Variants in NDUFA10 observed in about 807,000 individuals in gnomAD.
The protein encoded by NDUFA10 is NADH:ubiquinone oxidoreductase subunit A10.
In NDUFA10, 40 loss-of-function variants were observed where a neutral mutation model predicts 47.8. The ratio of observed to expected loss-of-function variants is 0.84; its 90% confidence interval spans 0.65 to 1.09. The LOEUF (loss-of-function observed/expected upper bound fraction) is 1.09. Among genes scored for constraint, NDUFA10 ranks in the 50% least tolerant of loss-of-function variants. NDUFA10 has a pLI of 0.00. For synonymous variants in NDUFA10, 183 were observed against 172.2 expected, an observed-to-expected ratio of 1.06 and a Z score of -0.49; for missense variants, 413 against 451.1, an observed-to-expected ratio of 0.92 and a Z score of 0.76.
intron 8 of NDUFA10, among the ~76,000 whole-genome samples, chr2:239,991,514 A>G (rs773494991): frequency 6.6e-6 from 1 of 152,222 alleles, no homozygotes; most frequent in African/African-American, 2.4e-5. Context: ...TTAAAAACTC[A>G]AGCAAGCAAA....
rs566813070 is a variant in NDUFA10, at chr2:239,935,925, G to A, written c.295-40611C>T. 5.9e-5 allele frequency among the ~76,000 whole-genome samples: 9 copies of A among 152,316 alleles called. No homozygotes were observed. The South Asian group carries it at 1.5e-3, about 25-fold the overall frequency. ...GACCGGGTATGTCTTTATTGGCAGC[G>A]TGAAAACAGACTAACACACAGGGAA... On this transcript the variant is annotated intron_variant, in intron 4 of 5. Coordinates refer to the NDUFA10 transcript ENST00000419408.
At chr2:240,008,429 T>C (rs973179758) in intron 6 of NDUFA10, among the ~76,000 whole-genome samples, 6 of 152,250 alleles carry the variant, frequency 3.9e-5, no homozygotes, top group African/African-American at 1.4e-4. Context: ...CAGGACTTGC[T>C]GTATTGCTTC....
At chr2:240,008,013 GA>G (rs1697012147) in intron 6 of NDUFA10, among the ~76,000 whole-genome samples, 1 of 152,216 alleles carries the variant, frequency 6.6e-6, no homozygotes, top group South Asian at 2.1e-4. Context: ...ATCAGCATCT[GA>G]CCCCTACAAT....
At chr2:239,950,419 C>T (rs1274817476) in intron 4 of NDUFA10, among the ~76,000 whole-genome samples, 2 of 152,248 alleles carry the variant, frequency 1.3e-5, no homozygotes, top group African/African-American at 2.4e-5. Flanking sequence ...CACCAAGCTG[C>T]CCCCTCGGGG....
rs1204334963 is a variant in NDUFA10 at position 239,965,354 on chromosome 2, T to C, written c.1000-4168A>G. Among the ~76,000 whole-genome samples the C allele has an allele frequency of 2.0e-5, 3 of 151,982 alleles. No homozygotes were observed. In the East Asian group the frequency reaches 5.8e-4, roughly 29 times the overall value. ...CATCTCACACCAGGAAAATGCAAAA[T>C]CATCCACTTTGTTTACATGTCTACT... On this transcript the variant is annotated intron_variant, in intron 9 of 9. Transcript: ENST00000252711.
chr2:240,011,686 A>C lies in NDUFA10; in HGVS notation c.680T>G (p.Met227Arg). 1 of 1,612,810 alleles carries C rather than the reference A, an allele frequency of 6.2e-7. No individual in the cohort carries two copies. Among genetic ancestry groups the C allele is most frequent in the Non-Finnish European group, 8.5e-7 (1 of 1,178,762 alleles). The change falls in exon 6 of 10, where the codon ATG becomes AGG. Residue 227 changes from methionine (M) to arginine (R), a missense_variant. Transcript: ENST00000252711. ...CTGTAGATAGGCAGAGGTGATCTTC[A>C]TTTCATGTGGCTAAACAGAAGCAGA... is the stretch of plus-strand genomic sequence containing the variant. ...RIQKKGDPHE[M>R]KITSAYLQDI...
Position 239,960,217 on chromosome 2 carries a change from T to A in NDUFA10, c.*901A>T. 3 of 985,450 alleles carry A rather than the reference T, an allele frequency of 3.0e-6. No individual in the cohort carries two copies. The highest frequency in any genetic ancestry group is 3.6e-6 in the Non-Finnish European group (3 of 829,986). 61.0% of individuals were successfully genotyped at this position (985,450 alleles called of 1,614,324 possible). A position where few individuals can be genotyped will look rare whatever the true frequency, so the allele number is the denominator to read the frequency against. ...AGCTTTACAGTGGAAAACCCACAGTTCAGTAGGACTCACAACTGACAGCTT... is the reference window on the plus strand; with the variant it reads ...AGCTTTACAGTGGAAAACCCACAGTACAGTAGGACTCACAACTGACAGCTT... On this transcript the variant is annotated 3_prime_UTR_variant, in exon 10 of 10. Transcript: ENST00000252711.
downstream of NDUFA10, among the ~76,000 whole-genome samples, chr2:239,955,950 G>A (rs1330231430): frequency 6.6e-6 from 1 of 152,196 alleles, no homozygotes; most frequent in Non-Finnish European, 1.5e-5. Context: ...TCCTCCAGAG[G>A]AAAGCTCTGC....
At chr2:239,983,477 T>C (rs141504563) in intron 9 of NDUFA10, 2 of 1,546,304 alleles carry the variant, frequency 1.3e-6, no homozygotes, top group Non-Finnish European at 1.8e-6. Flanking sequence ...CAACCGAATT[T>C]CCTTAAACAA....
intron 8 of NDUFA10, among the ~76,000 whole-genome samples, chr2:239,997,707 A>T (rs1302250258): frequency 6.6e-6 from 1 of 152,272 alleles, no homozygotes; most frequent in African/African-American, 2.4e-5. Flanking sequence ...AGAAACAGTA[A>T]ATTATGCAGA....
At chr2:239,962,787 C>T (rs2106396111) in intron 9 of NDUFA10, among the ~76,000 whole-genome samples, 1 of 152,206 alleles carries the variant, frequency 6.6e-6, no homozygotes, top group African/African-American at 2.4e-5. Context: ...GGGGCAGGTA[C>T]GCCACATAGT....
intron 4 of NDUFA10, among the ~76,000 whole-genome samples, chr2:239,905,527 G>A (rs67365592): frequency 0.18 from 28,073 of 152,038 alleles, 2,803 homozygotes; most frequent in African/African-American, 0.25. Flanking sequence ...ACCTGCTGTC[G>A]GTTCTGCACT....
Position 239,941,316 on chromosome 2 carries a change from A to G in NDUFA10, c.295-46002T>C, listed in dbSNP as rs1025214392. Among the ~76,000 whole-genome samples, 6 of 152,194 alleles carry G rather than the reference A, an allele frequency of 3.9e-5. No homozygotes were observed. In the South Asian group the frequency reaches 1.0e-3, roughly 26 times the overall value. ...GGGCAATGGGAGTGGCACATAGGGT[A>G]AAGTATCTTCACAAACAGGGACAGA... On this transcript the variant is annotated intron_variant, in intron 4 of 5. Transcript: ENST00000419408.
intron 9 of NDUFA10, among the ~76,000 whole-genome samples, chr2:239,968,944 T>G (rs1695201140): frequency 2.0e-5 from 3 of 152,208 alleles, no homozygotes; most frequent in Non-Finnish European, 2.9e-5. Flanking sequence ...GAAAGCCCAT[T>G]GCAGGCTCAC....
intron 4 of NDUFA10, chr2:240,017,771 A>C: frequency 9.4e-6 from 14 of 1,490,038 alleles, no homozygotes; most frequent in Non-Finnish European, 1.3e-5. Context: ...ACACCAGGAC[A>C]CACAAGCAGC....
chr2:239,999,723 C>T (rs980449102), intron 8 of NDUFA10, among the ~76,000 whole-genome samples: 1 of 152,244 alleles, frequency 6.6e-6, no homozygotes, highest in Non-Finnish European at 1.5e-5. Context: ...AGGAACCTGA[C>T]AGCTGCAGCT....
rs571670157 is a variant in NDUFA10 at position 239,946,268 on chromosome 2, T to C, written c.294+43806A>G. 7.9e-5 allele frequency among the ~76,000 whole-genome samples: 12 copies of C among 152,184 alleles called. No individual in the cohort carries two copies. The South Asian group carries it at 2.3e-3, about 29-fold the overall frequency. On this transcript the variant is annotated intron_variant, in intron 4 of 5. Transcript: ENST00000419408. ...TCCCAGGTGGTCATGAGCCCTGCACTCCATACCACAGCTCCGGCCCCAGCC... is the reference window on the plus strand; with the variant it reads ...TCCCAGGTGGTCATGAGCCCTGCACCCCATACCACAGCTCCGGCCCCAGCC...
intron 4 of NDUFA10, among the ~76,000 whole-genome samples, chr2:239,930,362 C>T (rs1343997387): frequency 6.6e-6 from 1 of 152,098 alleles, no homozygotes; most frequent in African/African-American, 2.4e-5. Flanking sequence ...AAATTTCCTC[C>T]TTCAGCCGTG....
chr2:239,892,771 C>T (rs1693318304), intron 5 of NDUFA10: 1 of 152,306 alleles, frequency 6.6e-6, no homozygotes. Flanking sequence ...TTCTCTTTCT[C>T]AGCTTTGTTT....
Sources: gnomAD v4.1 joint callset for allele counts (sites outside exome capture counted in the v4.1 genomes callset) on GRCh38, gnomAD v4.1.1 for gene constraint, MANE v1.5 for transcripts, NCBI Gene and HGNC (gene_info 2026-07-23, HGNC 2026-07-21) for gene names.